Variants in PRIM2 observed in about 807,000 individuals in gnomAD.
The protein encoded by PRIM2 is DNA primase large subunit.
Under a neutral mutation model 67.3 loss-of-function variants are expected in PRIM2, and 39 were observed. The observed-to-expected ratio is 0.58, with a 90% CI of 0.45 to 0.76. PRIM2 has a LOEUF of 0.76. PRIM2 is among the 30% of genes least tolerant of loss of function. The pLI is 0.00. For missense variants in PRIM2, 398 were observed against 598.7 expected (o/e 0.66, Z 3.50); for synonymous variants, 143 against 198.7 (o/e 0.72, Z 2.36).
chr6:57,261,039 C>T, the PRIM2 span, among the ~76,000 whole-genome samples: 1 of 152,146 alleles, frequency 6.6e-6, no homozygotes, highest in South Asian at 2.1e-4. Context: ...GGAAGTTTTT[C>T]CATATTTATG....
At chr6:57,496,510 T>C (rs1318563528) in intron 7 of PRIM2, among the ~76,000 whole-genome samples, 2 of 152,222 alleles carry the variant, frequency 1.3e-5, no homozygotes, top group Admixed American at 6.5e-5. Context: ...GTAGAATTTA[T>C]GTGCGTATTT....
chr6:57,371,260 C>T (rs1396493631), intron 5 of PRIM2, among the ~76,000 whole-genome samples: 1 of 150,920 alleles, frequency 6.6e-6, no homozygotes, highest in Non-Finnish European at 1.5e-5. Context: ...CTGACATTTA[C>T]TTGGTAAGTA....
chr6:57,225,806 G>T, the PRIM2 span, among the ~76,000 whole-genome samples: 2 of 152,142 alleles, frequency 1.3e-5, no homozygotes, highest in Non-Finnish European at 2.9e-5. Flanking sequence ...ATATAAGTCT[G>T]CATATACATA....
intron 7 of PRIM2, among the ~76,000 whole-genome samples, chr6:57,482,050 T>C (rs1773641690): frequency 6.6e-6 from 1 of 152,118 alleles, no homozygotes; most frequent in Admixed American, 6.5e-5. Context: ...TGGGTAAGTC[T>C]GCATGGCTGG....
intron 8 of PRIM2, 111 bp from the exon 9 acceptor site, chr6:57,532,300 A>G (rs1356102759): frequency 2.5e-4 from 117 of 459,096 alleles, no homozygotes; most frequent in Middle Eastern, 1.7e-3. Context: ...TAAGGTTTAC[A>G]TGTAAAATGC....
At chr6:57,481,919 T>C (rs1288934456) in intron 7 of PRIM2, among the ~76,000 whole-genome samples, 1 of 152,212 alleles carries the variant, frequency 6.6e-6, no homozygotes, top group Non-Finnish European at 1.5e-5. Context: ...ATGATTTTTT[T>C]CCTGGCTTAC....
At chr6:57,501,668 CTCTT>C (rs1389522025) in intron 7 of PRIM2, among the ~76,000 whole-genome samples, 2 of 152,148 alleles carry the variant, frequency 1.3e-5, no homozygotes, top group African/African-American at 4.8e-5. Flanking sequence ...ATTTTGGACT[CTCTT>C]TCAAAATAAC....
intron 7 of PRIM2, among the ~76,000 whole-genome samples, chr6:57,416,672 T>C (rs1330174670): frequency 2.0e-5 from 3 of 152,200 alleles, no homozygotes; most frequent in African/African-American, 7.2e-5. Flanking sequence ...AGCTTTTTCA[T>C]GATCTTAGCT....
chr6:57,257,517 C>T, the PRIM2 span, among the ~76,000 whole-genome samples: 25 of 152,086 alleles, frequency 1.6e-4, no homozygotes, highest in African/African-American at 5.3e-4. Context: ...GTGATCTGCC[C>T]GCCTCGGCCT....
the PRIM2 span, among the ~76,000 whole-genome samples, chr6:57,274,040 G>C: frequency 3.9e-5 from 6 of 152,182 alleles, no homozygotes; most frequent in East Asian, 1.2e-3. Context: ...CGCCCCTACT[G>C]GGGGGTGCCT....
chr6:57,432,515 C>G (rs1771871335), intron 7 of PRIM2, among the ~76,000 whole-genome samples: 1 of 147,906 alleles, frequency 6.8e-6, no homozygotes, highest in African/African-American at 2.5e-5. Context: ...TTGATTATAG[C>G]CAATTAGCAA....
Position 57,646,043 on chromosome 6 carries a change from A to G in PRIM2, c.1415A>G (p.Gln472Arg). 6.2e-7 allele frequency: 1 copy of G among 1,603,324 alleles called. No homozygotes were observed. The change falls in exon 14 of 14, where the codon CAA becomes CGA. Residue 472 changes from glutamine (Q) to arginine (R), a missense_variant. Gln to Arg is a conservative substitution (Grantham distance 43). Transcript: ENST00000615550. The stretch of plus-strand genomic sequence containing the variant: ...GAACCTATCCAACCAGAAACTCCTC[A>G]ACCCAAACCAAGTGTCCAGAAAACC... ...KKEPIQPETP[Q>R]PKPSVQKTKD...
intron 5 of PRIM2, among the ~76,000 whole-genome samples, chr6:57,368,868 TG>T (rs1450043253): frequency 6.6e-6 from 1 of 152,180 alleles, no homozygotes; most frequent in Non-Finnish European, 1.5e-5. Context: ...TCATATTCTG[TG>T]TCTTCATGGG....
At chr6:57,295,521 T>G in the PRIM2 span, among the ~76,000 whole-genome samples, 1 of 152,234 alleles carries the variant, frequency 6.6e-6, no homozygotes, top group African/African-American at 2.4e-5. Flanking sequence ...GTATATTTGC[T>G]TGACAGCATG....
At chr6:57,318,669 AG>A (rs1272101420) in intron 2 of PRIM2, 70 bp downstream of exon 2, 1 of 1,254,164 alleles carries the variant, frequency 8.0e-7, no homozygotes, top group African/African-American at 1.5e-5. Flanking sequence ...GAATGAATGA[AG>A]GTAATTCATT....
the PRIM2 span, among the ~76,000 whole-genome samples, chr6:57,240,224 C>T: frequency 2.0e-5 from 3 of 151,716 alleles, no homozygotes; most frequent in African/African-American, 7.3e-5. Context: ...GCCTCAGCCT[C>T]TCAAGTAGCT....
At chr6:57,394,155 G>A (rs1202931711) in intron 7 of PRIM2, among the ~76,000 whole-genome samples, 1 of 152,042 alleles carries the variant, frequency 6.6e-6, no homozygotes, top group Non-Finnish European at 1.5e-5. Flanking sequence ...CTCTTTTTTG[G>A]TTCCATATGA....
the PRIM2 span, among the ~76,000 whole-genome samples, chr6:57,228,115 A>G: frequency 6.6e-6 from 1 of 152,184 alleles, no homozygotes; most frequent in Non-Finnish European, 1.5e-5. Context: ...ATTTCTTGAT[A>G]TCTTATAGAA....
chr6:57,518,090 G>C (rs1380099643), intron 8 of PRIM2, among the ~76,000 whole-genome samples: 7 of 152,148 alleles, frequency 4.6e-5, no homozygotes, highest in Admixed American at 1.3e-4. Context: ...CTCACCAAAA[G>C]TTTAATGCAC....
Sources: allele counts gnomAD v4.1 joint callset (sites outside exome capture counted in the v4.1 genomes callset), GRCh38; gene constraint gnomAD v4.1.1; transcripts MANE v1.5; gene names NCBI Gene and HGNC (gene_info 2026-07-23, HGNC 2026-07-21).